NRL: variants seen among roughly 807,000 people sequenced by gnomAD.
NRL encodes the protein neural retina leucine zipper, also known as neural retina-specific leucine zipper protein.
Under a neutral mutation model 12.5 loss-of-function variants are expected in NRL, and 16 were observed. The ratio of observed to expected loss-of-function variants is 1.28; its 90% CI spans 0.87 to 1.95. The LOEUF is 1.95. Ranked by LOEUF, NRL falls within the 30% of genes most tolerant of loss-of-function variation. NRL has a pLI of 0.00. For missense variants in NRL, 314 were observed against 325.8 expected (o/e 0.96, Z 0.28); for synonymous variants, 142 against 150.9 (o/e 0.94, Z 0.43).
intron 1 of NRL, among the ~76,000 whole-genome samples, chr14:24,106,181 A>T (rs570147815): frequency 6.6e-6 from 1 of 152,356 alleles, no homozygotes; most frequent in African/African-American, 2.4e-5. Context: ...TCAGCTTAGG[A>T]TAACTTCTGT....
intron 1 of NRL, among the ~76,000 whole-genome samples, chr14:24,106,181 A>G (rs570147815): frequency 2.6e-5 from 4 of 152,238 alleles, no homozygotes; most frequent in African/African-American, 7.2e-5. Flanking sequence ...TCAGCTTAGG[A>G]TAACTTCTGT....
At chr14:24,107,535 A>T (rs962559424) in intron 1 of NRL, among the ~76,000 whole-genome samples, 6 of 151,986 alleles carry the variant, frequency 3.9e-5, no homozygotes, top group African/African-American at 1.2e-4. Context: ...ATGGTGAGTA[A>T]TAATTACTTC....
At chr14:24,098,217 C>T (rs768522658) in intron 1 of NRL, 4 of 1,610,192 alleles carry the variant, frequency 2.5e-6, no homozygotes, top group African/African-American at 1.3e-5. Flanking sequence ...CTGGCCCGCA[C>T]AGACCCCAAG....
chr14:24,107,408 T>C (rs1263453703), intron 1 of NRL, among the ~76,000 whole-genome samples: 1 of 152,122 alleles, frequency 6.6e-6, no homozygotes, highest in African/African-American at 2.4e-5. Context: ...GTGAACACCT[T>C]TGGAACACTA....
chr14:24,102,623 C>A, intron 1 of NRL: 1 of 738,150 alleles, frequency 1.4e-6, no homozygotes, highest in South Asian at 1.9e-5. Flanking sequence ...TGCTCCTTAT[C>A]ACACAAGGTT....
intron 1 of NRL, among the ~76,000 whole-genome samples, chr14:24,090,312 C>G (rs2036587728): frequency 7.1e-6 from 1 of 141,262 alleles, no homozygotes; most frequent in Non-Finnish European, 1.5e-5. Flanking sequence ...GAAAGAGTAG[C>G]AGGACCCAAG....
At chr14:24,099,400 T>C (rs960691423) in intron 1 of NRL, among the ~76,000 whole-genome samples, 2 of 152,188 alleles carry the variant, frequency 1.3e-5, no homozygotes, top group African/African-American at 4.8e-5. Flanking sequence ...AATGTTGAGG[T>C]TTCCCCTGCC....
At position 24,081,680 on chromosome 14, in the gene NRL, C is replaced by T. The variant is rs1024145137; in HGVS notation, c.382-112G>A. On this transcript the variant is annotated intron_variant, in intron 2 of 2. Coordinates refer to ENST00000561028, the MANE Select transcript of NRL (RefSeq NM_001354768.3). The surrounding 1 kb of genome is among the most constrained non-coding windows in gnomAD (Gnocchi z 4.4). ...GGGACAGCCCCGCCCCGGCTCCCAC[C>T]TTCACCGGAAGGCTCGCCCTTCCAC... 6.5e-7 allele frequency: 1 copy of T among 1,529,886 alleles called. No homozygotes were observed. The highest frequency in any genetic ancestry group is 2.2e-4 in the Middle Eastern group (1 of 4,514). The allele number at this position is 1,529,886 out of a possible 1,614,324, so 94.8% of individuals were successfully genotyped here. A position where few individuals can be genotyped will look rare whatever the true frequency, so the allele number is the denominator to read the frequency against.
rs1463520206 is a variant in NRL at position 24,079,603 on chromosome 14, G to A, written c.*1633C>T. 6.6e-6 allele frequency among the ~76,000 whole-genome samples: 1 copy of A among 151,926 alleles called. No individual in the cohort carries two copies. The highest frequency in any genetic ancestry group is 1.5e-5 in the Non-Finnish European group (1 of 67,980). On this transcript the variant is annotated 3_prime_UTR_variant, in exon 3 of 3. Transcript: ENST00000561028. ...GCTGGGATAGAGGAGGGGAAAGAGG[G>A]AGCAAGAACTGTGATGGGAAGAGAA...
In NRL at chr14:24,094,001, C is replaced by T. The variant is rs969026415; in HGVS notation, c.-27-11126G>A. 4 of 517,734 alleles carry T rather than the reference C, an allele frequency of 7.7e-6. No individual in the cohort carries two copies. Among genetic ancestry groups the T allele is most frequent in the African/African-American group, 4.1e-5 (2 of 49,252 alleles). 32.1% of individuals were successfully genotyped at this position (517,734 alleles called of 1,614,324 possible). ...CCCCTCGTTCCTAGCTTGTTTGCCA[C>T]CTAGTGTCTCTCCCGGGAGCAAGAG... is the stretch of plus-strand genomic sequence containing the variant. On this transcript the variant is annotated intron_variant, in intron 1 of 2. Coordinates refer to ENST00000561028, the MANE Select transcript of NRL (RefSeq NM_001354768.3). The surrounding 1 kb of genome is among the most constrained non-coding windows in gnomAD (Gnocchi z 4.1).
rs891396257 is a variant in NRL at position 24,085,450 on chromosome 14, T to C, written c.-27-2575A>G. Among the ~76,000 whole-genome samples, 1 of 152,126 alleles carries C rather than the reference T, an allele frequency of 6.6e-6. No homozygotes were observed. The highest frequency in any genetic ancestry group is 1.5e-5 in the Non-Finnish European group (1 of 68,022). ...TTCTAGTTCCCAGATGGCTGAGGGG[T>C]GACCTACATTTTCAGCCTAATCCCC... On this transcript the variant is annotated intron_variant, in intron 1 of 2. Coordinates refer to ENST00000561028, the MANE Select transcript of NRL (RefSeq NM_001354768.3). The surrounding 1 kb of genome is among the most constrained non-coding windows in gnomAD (Gnocchi z 4.1).
Position 24,099,119 on chromosome 14 carries a change from G to GA in NRL, c.-28+15602dup, listed in dbSNP as rs754933476. 59 of 1,612,492 alleles carry GA rather than the reference G, an allele frequency of 3.7e-5. No individual in the cohort carries two copies. The highest frequency in any genetic ancestry group is 4.1e-5 in the Non-Finnish European group (48 of 1,179,638). On this transcript the variant is annotated intron_variant, in intron 1 of 2. Transcript: ENST00000561028. ...TTGGCCACGTGCCCGACCAGCGGGAGATCATCTCCTTCGGCAGCGGCTATG... is the reference window on the plus strand; with the variant it reads ...TTGGCCACGTGCCCGACCAGCGGGAGAATCATCTCCTTCGGCAGCGGCTATG...
chr14:24,097,094 G>A, intron 1 of NRL: 1 of 1,612,540 alleles, frequency 6.2e-7, no homozygotes, highest in Non-Finnish European at 8.5e-7. Flanking sequence ...GACCCTGCTG[G>A]AGCAGCAGGG....
At chr14:24,098,420 C>T (rs759240399) in intron 1 of NRL, 39 of 1,611,966 alleles carry the variant, frequency 2.4e-5, no homozygotes, top group South Asian at 1.8e-4. Context: ...GGCAAGGGCA[C>T]GGAAGATGTG....
intron 1 of NRL, among the ~76,000 whole-genome samples, chr14:24,111,559 G>T (rs973722244): frequency 2.6e-5 from 4 of 151,804 alleles, no homozygotes; most frequent in Non-Finnish European, 4.4e-5. Flanking sequence ...TAGTGACGGG[G>T]TTTCACCATG....
intron 1 of NRL, among the ~76,000 whole-genome samples, chr14:24,111,353 G>GT (rs11407914): frequency 0.2 from 30,608 of 152,012 alleles, 4,042 homozygotes; most frequent in East Asian, 0.37. Context: ...AGGCATAGGT[G>GT]TTTTTTGTTT....
chr14:24,095,564 C>A (rs998044003), intron 1 of NRL, among the ~76,000 whole-genome samples: 1 of 152,200 alleles, frequency 6.6e-6, no homozygotes, highest in East Asian at 1.9e-4. Flanking sequence ...TCCACCCTCC[C>A]ACCAACACCA....
intron 1 of NRL, among the ~76,000 whole-genome samples, chr14:24,090,800 C>G (rs991835826): frequency 6.6e-6 from 1 of 152,222 alleles, no homozygotes; most frequent in Non-Finnish European, 1.5e-5. Context: ...GGGAAATGAG[C>G]AGTGCAAGGA....
At chr14:24,108,349 T>C (rs559459504) in intron 1 of NRL, among the ~76,000 whole-genome samples, 2 of 152,130 alleles carry the variant, frequency 1.3e-5, no homozygotes, top group East Asian at 1.9e-4. Flanking sequence ...GGCTAAAGGG[T>C]TTTCTGGAAA....
Sources: gnomAD v4.1 joint callset for allele counts (sites outside exome capture counted in the v4.1 genomes callset) on GRCh38, gnomAD v4.1.1 for gene constraint, Gnocchi (gnomAD v3.1) non-coding constraint, MANE v1.5 for transcripts, NCBI Gene and HGNC (gene_info 2026-07-23, HGNC 2026-07-21) for gene names.